Variants in CCDC169 observed in about 807,000 individuals in gnomAD.
CCDC169 encodes coiled-coil domain containing 169, also known as coiled-coil domain-containing protein 169.
A neutral mutation model predicts 36.0 loss-of-function variants in CCDC169; 30 were observed. The ratio of observed to expected loss-of-function variants is 0.83; its 90% CI spans 0.62 to 1.13. The LOEUF (loss-of-function observed/expected upper bound fraction) is 1.13. Ranked by LOEUF, CCDC169 falls within the 50% of genes most tolerant of loss-of-function variation. The pLI is 0.00. For missense variants in CCDC169, 245 were observed against 245.9 expected (o/e 1.00, Z 0.03); for synonymous variants, 85 against 81.5 (o/e 1.04, Z -0.23).
At chr13:36,262,704 T>A (rs1012097130) in intron 4 of CCDC169, among the ~76,000 whole-genome samples, 1 of 152,140 alleles carries the variant, frequency 6.6e-6, no homozygotes, top group Non-Finnish European at 1.5e-5. Flanking sequence ...CTAGGAAGTA[T>A]GTTCTGGGCT....
intron 4 of CCDC169, among the ~76,000 whole-genome samples, chr13:36,272,267 T>A (rs9547055): frequency 0.21 from 31,357 of 150,748 alleles, 3,890 homozygotes; most frequent in East Asian, 0.49. Flanking sequence ...AAATAAAAAA[T>A]TTTTGAAAAA....
At chr13:36,268,242 A>G (rs894758360) in intron 4 of CCDC169, among the ~76,000 whole-genome samples, 5 of 152,196 alleles carry the variant, frequency 3.3e-5, no homozygotes, top group Non-Finnish European at 5.9e-5. Context: ...ATCTCAATAA[A>G]TTTTTTAAAA....
intron 7 of CCDC169, chr13:36,240,808 C>T (rs573631047): frequency 1.6e-5 from 4 of 253,206 alleles, no homozygotes; most frequent in Admixed American, 1.1e-4. Flanking sequence ...TAATACACAC[C>T]ATGGGCGACA....
intron 4 of CCDC169, among the ~76,000 whole-genome samples, chr13:36,273,809 A>G (rs1263003280): frequency 6.6e-6 from 1 of 152,194 alleles, no homozygotes; most frequent in Non-Finnish European, 1.5e-5. Flanking sequence ...GCTTCATAGC[A>G]GTTGTGGTCT....
intron 4 of CCDC169, among the ~76,000 whole-genome samples, chr13:36,259,686 C>T (rs1290322437): frequency 6.6e-6 from 1 of 151,750 alleles, no homozygotes. Flanking sequence ...AGGCTCACGA[C>T]CAATCAGAGG....
intron 7 of CCDC169, among the ~76,000 whole-genome samples, chr13:36,233,299 A>T (rs9546800): frequency 0.4 from 61,560 of 152,008 alleles, 13,238 homozygotes; most frequent in Non-Finnish European, 0.48. Context: ...AACAAGCAGC[A>T]GCAAAAACAG....
chr13:36,289,640 G>A (rs546099503), intron 2 of CCDC169, among the ~76,000 whole-genome samples: 102 of 152,256 alleles, frequency 6.7e-4, no homozygotes, highest in Middle Eastern at 6.8e-3. Flanking sequence ...GGTAACTGGC[G>A]TAAGAAACAA....
chr13:36,265,454 C>T (rs1875152468), intron 4 of CCDC169, among the ~76,000 whole-genome samples: 1 of 152,218 alleles, frequency 6.6e-6, no homozygotes, highest in Non-Finnish European at 1.5e-5. Context: ...GCAGTGATAT[C>T]ACATCGGGCA....
chr13:36,256,634 A>G (rs1873917617), intron 4 of CCDC169, among the ~76,000 whole-genome samples: 3 of 152,150 alleles, frequency 2.0e-5, no homozygotes, highest in Admixed American at 6.5e-5. Context: ...AGGCCTACTC[A>G]TTTCATTTAG....
chr13:36,297,722 T>G lies in CCDC169; in HGVS notation c.-3A>C, dbSNP rs1260835172. Reference sequence around the variant, plus strand: ...TTGTAGTTTCTCTCTTCCTTCATAGTGTCAGGCCAGAGACCTCCCGCGTCT... The same window carrying G: ...TTGTAGTTTCTCTCTTCCTTCATAGGGTCAGGCCAGAGACCTCCCGCGTCT... On this transcript the variant is annotated 5_prime_UTR_variant, in exon 1 of 8. Coordinates refer to ENST00000239859, the MANE Select transcript of CCDC169 (RefSeq NM_001144981.3). The G allele has an allele frequency of 2.6e-6, 4 of 1,550,956 alleles. No individual in the cohort carries two copies. Among genetic ancestry groups the G allele is most frequent in the Non-Finnish European group, 3.5e-6 (4 of 1,146,984 alleles).
chr13:36,246,211 G>A (rs1872488732), intron 7 of CCDC169, among the ~76,000 whole-genome samples: 1 of 152,226 alleles, frequency 6.6e-6, no homozygotes, highest in Non-Finnish European at 1.5e-5. Context: ...GGCTAGAAAT[G>A]ATAAGCTTAG....
intron 4 of CCDC169, among the ~76,000 whole-genome samples, chr13:36,264,686 C>A (rs1161095638): frequency 6.6e-6 from 1 of 152,168 alleles, no homozygotes; most frequent in Non-Finnish European, 1.5e-5. Flanking sequence ...GTGACTTAGA[C>A]TATATCTTGC....
At chr13:36,242,254 A>C (rs1925840) in intron 7 of CCDC169, among the ~76,000 whole-genome samples, 61,684 of 152,150 alleles carry the variant, frequency 0.41, 13,280 homozygotes, top group Non-Finnish European at 0.48. Context: ...ATTCCTCCAC[A>C]TCCTTGACAA....
At chr13:36,249,591 A>C (rs1293073221) in intron 6 of CCDC169, among the ~76,000 whole-genome samples, 1 of 152,224 alleles carries the variant, frequency 6.6e-6, no homozygotes, top group Non-Finnish European at 1.5e-5. Context: ...GCTGAGAAAA[A>C]GAAAGCTAAG....
chr13:36,228,466 T>C (rs1870080099), downstream of CCDC169, among the ~76,000 whole-genome samples: 1 of 152,230 alleles, frequency 6.6e-6, no homozygotes, highest in Non-Finnish European at 1.5e-5. Context: ...AACTTTCCAA[T>C]GAAAGAAAAC....
chr13:36,240,906 T>G (rs1056686610), intron 7 of CCDC169, among the ~76,000 whole-genome samples: 18 of 152,054 alleles, frequency 1.2e-4, no homozygotes, highest in African/African-American at 4.1e-4. Context: ...TATTTAATCT[T>G]AAAGAGACTT....
chr13:36,285,598 G>GATAC (rs1196774008), intron 2 of CCDC169, among the ~76,000 whole-genome samples: 1 of 144,172 alleles, frequency 6.9e-6, no homozygotes, highest in African/African-American at 2.5e-5. Context: ...TAGATAGATA[G>GATAC]ATAGATAGAT....
At position 36,250,430 on chromosome 13, in the gene CCDC169, T is replaced by C. The variant is rs183915522; in HGVS notation, c.469-1748A>G. The stretch of plus-strand genomic sequence containing the variant: ...TTTTTAACAGGAAAGAACACTATTG[T>C]ATCTGTATTTCAGAATGATAGGCAG... On this transcript the variant is annotated intron_variant, in intron 6 of 7. Coordinates refer to ENST00000239859, the MANE Select transcript of CCDC169 (RefSeq NM_001144981.3). 2.6e-5 allele frequency among the ~76,000 whole-genome samples: 4 copies of C among 152,296 alleles called. No individual in the cohort carries two copies. The East Asian group carries it at 7.7e-4, about 29-fold the overall frequency.
chr13:36,288,268 C>G (rs1006215083), intron 2 of CCDC169, among the ~76,000 whole-genome samples: 4 of 152,166 alleles, frequency 2.6e-5, no homozygotes, highest in African/African-American at 7.2e-5. Context: ...CCCGCCGCAG[C>G]CTCCCAAAGT....
Sources: gnomAD v4.1 joint callset for allele counts (sites outside exome capture counted in the v4.1 genomes callset) on GRCh38, gnomAD v4.1.1 for gene constraint, MANE v1.5 for transcripts, NCBI Gene and HGNC (gene_info 2026-07-23, HGNC 2026-07-21) for gene names.